Variants in STK17A observed in about 807,000 individuals in gnomAD.
STK17A encodes serine/threonine kinase 17a.
STK17A carries 26 observed loss-of-function variants against 43.7 expected under a neutral mutation model. The observed-to-expected ratio is 0.60, with a 90% CI of 0.44 to 0.83. The LOEUF (loss-of-function observed/expected upper bound fraction) is 0.83, where lower values mean the gene tolerates loss of function less well. Among genes scored for constraint, STK17A ranks in the 40% least tolerant of loss-of-function variants. The pLI is 0.00. For missense variants in STK17A, 476 were observed against 511.6 expected, an observed-to-expected ratio of 0.93 and a Z score of 0.67; for synonymous variants, 191 against 182.5, an observed-to-expected ratio of 1.05 and a Z score of -0.38.
intron 3 of STK17A, among the ~76,000 whole-genome samples, chr7:43,618,641 A>C (rs1340612638): frequency 6.6e-6 from 1 of 152,230 alleles, no homozygotes; most frequent in Non-Finnish European, 1.5e-5. Flanking sequence ...TGTTTTAAAA[A>C]TTTAATGAAT....
chr7:43,601,771 C>T (rs1353533640), intron 2 of STK17A, among the ~76,000 whole-genome samples: 1 of 152,188 alleles, frequency 6.6e-6, no homozygotes, highest in Non-Finnish European at 1.5e-5. Flanking sequence ...GTCCCTCCTC[C>T]TGTGCTGCCA....
Position 43,624,542 on chromosome 7 carries a change from T to C in STK17A, c.945T>C (p.Cys315=). The change falls in exon 7 of 7, where the codon TGT becomes TGC. Residue 315 remains cysteine, a synonymous_variant. Coordinates refer to ENST00000319357, the MANE Select transcript of STK17A (RefSeq NM_004760.3). ...KPEDRATAEE[C]LKHPWLTQSS... is the part of the protein sequence containing the mutation. The stretch of plus-strand genomic sequence containing the variant: ...GAGATCGAGCCACTGCTGAAGAATG[T>C]CTAAAGCACCCCTGGTTGACACAGA... The C allele has an allele frequency of 6.2e-7, 1 of 1,613,512 alleles. No homozygotes were observed. Among genetic ancestry groups the C allele is most frequent in the South Asian group, 1.1e-5 (1 of 91,058 alleles).
At chr7:43,620,090 G>A (rs1162717488) in intron 4 of STK17A, among the ~76,000 whole-genome samples, 5 of 152,192 alleles carry the variant, frequency 3.3e-5, no homozygotes, top group Non-Finnish European at 7.3e-5. Flanking sequence ...CAAAGGAATT[G>A]CCAAGTCTGA....
At chr7:43,590,431 A>G (rs1244474881) in intron 1 of STK17A, among the ~76,000 whole-genome samples, 1 of 151,158 alleles carries the variant, frequency 6.6e-6, no homozygotes, top group Non-Finnish European at 1.5e-5. Flanking sequence ...TCTCAATCAA[A>G]TGTCACCTCC....
rs2084441309 is a variant in STK17A at position 43,625,732 on chromosome 7, A to T, written c.*890A>T. The T allele has an allele frequency of 7.1e-6, 1 of 141,002 alleles. No individual in the cohort carries two copies. The highest frequency in any genetic ancestry group is 1.5e-5 in the Non-Finnish European group (1 of 65,316). The allele number at this position is 141,002 out of a possible 1,614,324, so 8.7% of individuals were successfully genotyped here. A position where few individuals can be genotyped will look rare whatever the true frequency, so the allele number is the denominator to read the frequency against. On this transcript the variant is annotated 3_prime_UTR_variant, in exon 7 of 7. Transcript: ENST00000319357. ...TGCTACTATATTGCTTTTGTCCCAAAGTGAGTAAAATCCCCTAGAGCAGAG... is the reference window on the plus strand; with the variant it reads ...TGCTACTATATTGCTTTTGTCCCAATGTGAGTAAAATCCCCTAGAGCAGAG...
chr7:43,583,901 A>G (rs1156389760), intron 1 of STK17A, among the ~76,000 whole-genome samples: 1 of 151,944 alleles, frequency 6.6e-6, no homozygotes, highest in Non-Finnish European at 1.5e-5. Context: ...ATCCGTTGTG[A>G]CCGCTTCCTT....
Position 43,588,181 on chromosome 7 carries a change from T to G in STK17A, c.206+4732T>G, listed in dbSNP as rs148141505. Among the ~76,000 whole-genome samples the G allele has an allele frequency of 3.8e-3, 582 of 151,632 alleles. 10 individuals carry two copies. Among genetic ancestry groups the G allele is most frequent in the African/African-American group, 0.013 (525 of 41,500 alleles). ...TTTTTTTTAAATTATTATCATTGGT[T>G]ATATCATAGATCTGAAATTAATGCC... On this transcript the variant is annotated intron_variant, in intron 1 of 6. Transcript: ENST00000319357.
At chr7:43,611,374 T>C (rs2082861797) in intron 3 of STK17A, among the ~76,000 whole-genome samples, 1 of 152,206 alleles carries the variant, frequency 6.6e-6, no homozygotes, top group Non-Finnish European at 1.5e-5. Context: ...ATTAATTTTT[T>C]AATACCATGG....
chr7:43,607,154 C>A (rs1316464881), intron 2 of STK17A, among the ~76,000 whole-genome samples: 1 of 151,590 alleles, frequency 6.6e-6, no homozygotes, highest in Non-Finnish European at 1.5e-5. Flanking sequence ...AATTCCTGAT[C>A]TCAGGTGATC....
At chr7:43,583,949 T>G (rs1000234734) in intron 1 of STK17A, among the ~76,000 whole-genome samples, 1 of 152,252 alleles carries the variant, frequency 6.6e-6, no homozygotes, top group Non-Finnish European at 1.5e-5. Context: ...GGTCTTCTGC[T>G]GAATTCATTT....
chr7:43,583,420 C>A lies in STK17A; in HGVS notation c.177C>A (p.Tyr59Ter). ...GCACCGAGCCCTTCCAGGACGGCTA[C>A]AGCCTGTGCCCGGGCCGGGAGCTGG... Reference protein sequence around the residue: ...VVRTEPFQDGYSLCPGRELGR... With the variant: ...VVRTEPFQDG Residue 59 changes from tyrosine to a stop codon, truncating the protein, a stop_gained, in exon 1 of 7, where the codon TAC becomes TAA. Coordinates refer to ENST00000319357, the MANE Select transcript of STK17A (RefSeq NM_004760.3). LOFTEE classifies it high-confidence loss of function. 1 of 1,398,056 alleles carries A rather than the reference C, an allele frequency of 7.2e-7. No homozygotes were observed. The highest frequency in any genetic ancestry group is 1.6e-5 in the South Asian group (1 of 61,576). The allele number at this position is 1,398,056 out of a possible 1,614,324, so 86.6% of individuals were successfully genotyped here.
intron 4 of STK17A, among the ~76,000 whole-genome samples, chr7:43,621,595 G>A (rs957832833): frequency 6.6e-6 from 1 of 152,106 alleles, no homozygotes; most frequent in Admixed American, 6.5e-5. Flanking sequence ...AGCCTCCCGA[G>A]TAGCTGGGAC....
At chr7:43,615,640 G>T (rs1049030242) in intron 3 of STK17A, among the ~76,000 whole-genome samples, 18 of 152,074 alleles carry the variant, frequency 1.2e-4, no homozygotes, top group African/African-American at 4.3e-4. Flanking sequence ...ATTTACTCCA[G>T]AATAGCCTAC....
chr7:43,606,306 A>C (rs1347083369), intron 2 of STK17A, among the ~76,000 whole-genome samples: 4 of 152,180 alleles, frequency 2.6e-5, no homozygotes, highest in African/African-American at 9.7e-5. Context: ...TGGAAATGCT[A>C]CTTTAGATAG....
rs1309001459 is a variant in STK17A, at chr7:43,591,800, T to G, written c.207-4101T>G. ...ATTTGCCCTGTTAAATTCTAACTTCTAGGTTTTGATCTTTCATTCTAGACT... is the reference window on the plus strand; with the variant it reads ...ATTTGCCCTGTTAAATTCTAACTTCGAGGTTTTGATCTTTCATTCTAGACT... On this transcript the variant is annotated intron_variant, in intron 1 of 6. Coordinates refer to ENST00000319357, the MANE Select transcript of STK17A (RefSeq NM_004760.3). Among the ~76,000 whole-genome samples the G allele has an allele frequency of 1.3e-5, 2 of 151,600 alleles. 1 individual carries two copies.
At chr7:43,615,057 G>A (rs182743968) in intron 3 of STK17A, among the ~76,000 whole-genome samples, 474 of 152,250 alleles carry the variant, frequency 3.1e-3, no homozygotes, top group Non-Finnish European at 5.2e-3. Context: ...GGCATTTTGC[G>A]TGTACTCAAA....
intron 3 of STK17A, among the ~76,000 whole-genome samples, chr7:43,614,941 T>C (rs1303854514): frequency 6.6e-6 from 1 of 152,178 alleles, no homozygotes; most frequent in Admixed American, 6.5e-5. Flanking sequence ...TTAAACTATT[T>C]TAAGGGAACA....
At chr7:43,593,801 C>T (rs1419735485) in intron 1 of STK17A, among the ~76,000 whole-genome samples, 1 of 150,348 alleles carries the variant, frequency 6.7e-6, no homozygotes, top group Non-Finnish European at 1.5e-5. Context: ...AATATTTTTT[C>T]CCATTCTGTA....
chr7:43,619,874 A>G (rs2083700824), intron 4 of STK17A, 151 bp downstream of exon 4: 4 of 1,098,884 alleles, frequency 3.6e-6, no homozygotes, highest in African/African-American at 3.2e-5. Context: ...ACATTTTACA[A>G]TGGAAAACGT....
Sources: allele counts gnomAD v4.1 joint callset (sites outside exome capture counted in the v4.1 genomes callset), GRCh38; gene constraint gnomAD v4.1.1; transcripts MANE v1.5; gene names NCBI Gene and HGNC (gene_info 2026-07-23, HGNC 2026-07-21).